The following ADAMTSL3 variants were observed in gnomAD, a reference collection of about 807,000 sequenced individuals.
ADAMTSL3 encodes the protein ADAMTS-like protein 3.
A neutral mutation model predicts 201.7 loss-of-function variants in ADAMTSL3; 128 were observed. That is an observed-to-expected ratio of 0.63 (90% CI 0.55 to 0.73). ADAMTSL3 has a LOEUF of 0.73. ADAMTSL3 is among the 30% of genes least tolerant of loss of function. The probability of loss-of-function intolerance (pLI) is 0.00; values close to 1 mark genes in which losing one functional copy is unlikely to be tolerated. For missense variants in ADAMTSL3, 1,990 were observed against 2,119.6 expected, an observed-to-expected ratio of 0.94 and a Z score of 1.20; for synonymous variants, 738 against 748.4, an observed-to-expected ratio of 0.99 and a Z score of 0.23.
At chr15:83,724,684 A>G (rs1248773529) in intron 3 of ADAMTSL3, among the ~76,000 whole-genome samples, 1 of 151,572 alleles carries the variant, frequency 6.6e-6, no homozygotes, top group Non-Finnish European at 1.5e-5. Flanking sequence ...AGCCATCCCC[A>G]CTTCCCCCAC....
At chr15:83,827,893 C>T (rs1024156906) in intron 6 of ADAMTSL3, among the ~76,000 whole-genome samples, 1 of 152,108 alleles carries the variant, frequency 6.6e-6, no homozygotes, top group Non-Finnish European at 1.5e-5. Flanking sequence ...GTTTTGGTAC[C>T]AGTACCATGC....
At chr15:83,889,477 G>C (rs2065462009) in intron 10 of ADAMTSL3, among the ~76,000 whole-genome samples, 1 of 152,144 alleles carries the variant, frequency 6.6e-6, no homozygotes, top group South Asian at 2.1e-4. Context: ...AACGGAACAA[G>C]ATTTAAAACA....
chr15:83,738,060 G>A (rs777734880), intron 3 of ADAMTSL3, among the ~76,000 whole-genome samples: 35 of 152,070 alleles, frequency 2.3e-4, no homozygotes, highest in Non-Finnish European at 4.3e-4. Flanking sequence ...GACTGTCTCC[G>A]AAATAATTAA....
chr15:83,778,022 G>A (rs2063108363), intron 4 of ADAMTSL3, among the ~76,000 whole-genome samples: 1 of 152,138 alleles, frequency 6.6e-6, no homozygotes, highest in South Asian at 2.1e-4. Flanking sequence ...AAGAATCTAA[G>A]AGCTTGAAGA....
intron 8 of ADAMTSL3, among the ~76,000 whole-genome samples, chr15:83,863,337 A>G (rs1021592732): frequency 1.3e-5 from 2 of 151,048 alleles, no homozygotes; most frequent in Non-Finnish European, 3.0e-5. Context: ...GCACCACACC[A>G]CACCCAAAAC....
chr15:83,903,242 C>CTTTTTTTTTTTTT (rs3044648), intron 15 of ADAMTSL3, among the ~76,000 whole-genome samples: 1 of 133,486 alleles, frequency 7.5e-6, no homozygotes, highest in Non-Finnish European at 1.6e-5. Flanking sequence ...GCTGCCAGAT[C>CTTTTTTTTTTTTT]TTTTTTTTTT....
intron 3 of ADAMTSL3, among the ~76,000 whole-genome samples, chr15:83,707,261 G>A (rs879096369): frequency 2.6e-5 from 4 of 152,140 alleles, no homozygotes; most frequent in Non-Finnish European, 4.4e-5. Context: ...TTATGTAGGC[G>A]TTAATTCATG....
chr15:83,805,593 A>G (rs1298576226), intron 5 of ADAMTSL3, among the ~76,000 whole-genome samples: 1 of 152,154 alleles, frequency 6.6e-6, no homozygotes, highest in South Asian at 2.1e-4. Flanking sequence ...TGAAAATAAA[A>G]AATAAACACC....
chr15:83,859,099 C>T (rs1300773846), intron 8 of ADAMTSL3, among the ~76,000 whole-genome samples: 1 of 152,192 alleles, frequency 6.6e-6, no homozygotes, highest in African/African-American at 2.4e-5. Flanking sequence ...TGCTTAAGAC[C>T]TGAACTCCCA....
chr15:83,899,608 T>C (rs2065684091), intron 14 of ADAMTSL3, 39 bp from the exon 15 acceptor site: 1 of 1,583,780 alleles, frequency 6.3e-7, no homozygotes, highest in African/African-American at 1.4e-5. Flanking sequence ...TAATGATTAA[T>C]AGTAATTAGG....
At chr15:83,914,381 A>G (rs2065990325) in intron 16 of ADAMTSL3, among the ~76,000 whole-genome samples, 1 of 152,112 alleles carries the variant, frequency 6.6e-6, no homozygotes, top group South Asian at 2.1e-4. Context: ...TGAATTCTCA[A>G]TCCTTATCAT....
chr15:83,731,794 A>G (rs1264735793), intron 3 of ADAMTSL3, among the ~76,000 whole-genome samples: 1 of 152,074 alleles, frequency 6.6e-6, no homozygotes, highest in Non-Finnish European at 1.5e-5. Flanking sequence ...AACAACATGA[A>G]TGGACCTGGA....
chr15:84,008,103 T>G (rs2401187), intron 23 of ADAMTSL3, among the ~76,000 whole-genome samples: 127,877 of 152,146 alleles, frequency 0.84, 54,162 homozygotes, highest in East Asian at 0.96. Flanking sequence ...TAACTTCAGT[T>G]GTCAGGTTTG....
intron 20 of ADAMTSL3, among the ~76,000 whole-genome samples, chr15:83,971,574 AAAAGAAAGAAAG>A (rs199692814): frequency 6.4e-5 from 9 of 141,098 alleles, no homozygotes; most frequent in African/African-American, 2.3e-4. Context: ...AAAAAAAAAA[AAAAGAAAGAAAG>A]AAAAAAAGAG....
chr15:83,750,846 G>A (rs1374944440), intron 3 of ADAMTSL3, among the ~76,000 whole-genome samples: 4 of 152,124 alleles, frequency 2.6e-5, no homozygotes, highest in African/African-American at 4.8e-5. Flanking sequence ...CACTGCGCCC[G>A]GCTGGGGGAG....
intron 2 of ADAMTSL3, among the ~76,000 whole-genome samples, chr15:83,660,732 GC>G (rs2061151003): frequency 1.3e-5 from 2 of 152,166 alleles, no homozygotes; most frequent in African/African-American, 4.8e-5. Flanking sequence ...TTTGTAGGTT[GC>G]CTGTTCCCTC....
At chr15:83,939,407 C>T (rs1183728398) in intron 17 of ADAMTSL3, among the ~76,000 whole-genome samples, 3 of 151,998 alleles carry the variant, frequency 2.0e-5, no homozygotes, top group Non-Finnish European at 4.4e-5. Context: ...TTTCTCTTCA[C>T]TTGTGTGTTA....
chr15:83,909,174 T>C (rs1223069841), intron 15 of ADAMTSL3, among the ~76,000 whole-genome samples: 1 of 152,200 alleles, frequency 6.6e-6, no homozygotes, highest in Non-Finnish European at 1.5e-5. Flanking sequence ...ATGTCTGTGA[T>C]TAGATTAAGC....
chr15:83,830,920 T>G (rs2064141717), intron 6 of ADAMTSL3, among the ~76,000 whole-genome samples: 1 of 152,134 alleles, frequency 6.6e-6, no homozygotes, highest in African/African-American at 2.4e-5. Context: ...TTCATTAACT[T>G]TCTGGTAAAT....
Sources: allele counts gnomAD v4.1 joint callset (sites outside exome capture counted in the v4.1 genomes callset), GRCh38; gene constraint gnomAD v4.1.1; transcripts MANE v1.5; gene names NCBI Gene and HGNC (gene_info 2026-07-23, HGNC 2026-07-21).